CSNK1G2: variants seen among roughly 807,000 people sequenced by gnomAD.
The protein encoded by CSNK1G2 is casein kinase I isoform gamma-2.
In CSNK1G2, 11 loss-of-function variants were observed where a neutral mutation model predicts 48.0. That is an observed-to-expected ratio of 0.23 (90% CI 0.14 to 0.38). The LOEUF is 0.38. Among genes scored for constraint, CSNK1G2 ranks in the 10% least tolerant of loss-of-function variants. CSNK1G2 has a pLI of 1.00. For synonymous variants in CSNK1G2, 337 were observed against 254.1 expected, an observed-to-expected ratio of 1.33 and a Z score of -3.10; for missense variants, 446 against 595.5, an observed-to-expected ratio of 0.75 and a Z score of 2.61.
At chr19:1,949,501 G>A (rs1020143832) in intron 1 of CSNK1G2, among the ~76,000 whole-genome samples, 3 of 152,364 alleles carry the variant, frequency 2.0e-5, no homozygotes, top group East Asian at 1.9e-4. Context: ...TGGCTGAGTC[G>A]TGTTCCGGCG....
Position 1,978,176 on chromosome 19 carries a change from G to A in CSNK1G2, c.188-129G>A. 1 of 924,478 alleles carries A rather than the reference G, an allele frequency of 1.1e-6. No homozygotes were observed. Among genetic ancestry groups the A allele is most frequent in the Non-Finnish European group, 1.7e-6 (1 of 571,862 alleles). The allele number at this position is 924,478 out of a possible 1,614,324, so 57.3% of individuals were successfully genotyped here. A position where few individuals can be genotyped will look rare whatever the true frequency, so the allele number is the denominator to read the frequency against. On this transcript the variant is annotated intron_variant, in intron 2 of 11. Coordinates refer to ENST00000255641, the MANE Select transcript of CSNK1G2 (RefSeq NM_001319.7). This position sits in a 1 kb window ranked among gnomAD's most constrained non-coding sequence, Gnocchi z 7.3. The stretch of plus-strand genomic sequence containing the variant: ...CAGGCTGGGCCCAGGCCCTGCTGCT[G>A]GGCAGTGGTGTCATTTGGAGGGTGG...
chr19:1,960,805 C>T (rs958774305), intron 1 of CSNK1G2, among the ~76,000 whole-genome samples: 10 of 152,232 alleles, frequency 6.6e-5, no homozygotes, highest in African/African-American at 2.2e-4. Flanking sequence ...AGGACAATCA[C>T]TTGAACCCGG....
chr19:1,980,418 C>A lies in CSNK1G2; in HGVS notation c.*215C>A, dbSNP rs1436396852. On this transcript the variant is annotated 3_prime_UTR_variant, in exon 12 of 12. Coordinates refer to ENST00000255641, the MANE Select transcript of CSNK1G2 (RefSeq NM_001319.7). The stretch of plus-strand genomic sequence containing the variant: ...TAAGACTTTGGCCGAAATTTCTACA[C>A]CTGTGTCTAGTCCTCCCCTCCAAGA... The A allele has an allele frequency of 3.2e-6, 2 of 633,222 alleles. No homozygotes were observed. The highest frequency in any genetic ancestry group is 1.8e-5 in the African/African-American group (1 of 54,218). The allele number at this position is 633,222 out of a possible 1,614,324, so 39.2% of individuals were successfully genotyped here. A position where few individuals can be genotyped will look rare whatever the true frequency, so the allele number is the denominator to read the frequency against.
At chr19:1,955,294 C>CCCT (rs199905109) in intron 1 of CSNK1G2, among the ~76,000 whole-genome samples, 1,863 of 139,736 alleles carry the variant, frequency 0.013, 33 homozygotes, top group African/African-American at 0.052. Flanking sequence ...CCTCTGACTG[C>CCCT]CCTCCTGCTG....
In CSNK1G2 at chr19:1,980,311, C is replaced by G; in HGVS notation, c.*108C>G. On this transcript the variant is annotated 3_prime_UTR_variant, in exon 12 of 12. Coordinates refer to ENST00000255641, the MANE Select transcript of CSNK1G2 (RefSeq NM_001319.7). ...ACAGCGGCCCAGGGCCAGACCCTGG[C>G]TGGAAGCCAGAACGCAGACTGCAGG... 1.4e-6 allele frequency: 2 copies of G among 1,402,908 alleles called. No homozygotes were observed. The highest frequency in any genetic ancestry group is 1.0e-6 in the Non-Finnish European group (1 of 1,002,814). The allele number at this position is 1,402,908 out of a possible 1,614,324, so 86.9% of individuals were successfully genotyped here. A position where few individuals can be genotyped will look rare whatever the true frequency, so the allele number is the denominator to read the frequency against.
At chr19:1,948,812 C>T (rs911428869) in intron 1 of CSNK1G2, among the ~76,000 whole-genome samples, 1 of 152,192 alleles carries the variant, frequency 6.6e-6, no homozygotes, top group Non-Finnish European at 1.5e-5. Flanking sequence ...TGCTGGTGAC[C>T]AGAGGCCTCG....
rs2014350331 is a variant in CSNK1G2, at chr19:1,941,351, C to A, written c.-333C>A. The A allele has an allele frequency of 6.8e-6, 1 of 147,408 alleles. No homozygotes were observed. The highest frequency in any genetic ancestry group is 1.5e-5 in the Non-Finnish European group (1 of 66,166). 9.1% of individuals were successfully genotyped at this position (147,408 alleles called of 1,614,324 possible). On this transcript the variant is annotated 5_prime_UTR_variant, in exon 1 of 12. Coordinates refer to ENST00000255641, the MANE Select transcript of CSNK1G2 (RefSeq NM_001319.7). The stretch of plus-strand genomic sequence containing the variant: ...GCGCGGGGCCCGGAGCGGGGGTCCG[C>A]GCTGCGCTGCTGAGGCCGGGCCGGC...
rs1186371190 is a variant in CSNK1G2 at position 1,941,178 on chromosome 19, T to C, written c.-506T>C. 7.5e-5 allele frequency: 11 copies of C among 145,892 alleles called. No homozygotes were observed. The highest frequency in any genetic ancestry group is 1.5e-5 in the Non-Finnish European group (1 of 65,720). 9.0% of individuals were successfully genotyped at this position (145,892 alleles called of 1,614,324 possible). ...GCTGCCGCCCCCCGCTGGCAGACGC[T>C]GGCGGCGTAAGGCGCGCGGGCCCCG... On this transcript the variant is annotated 5_prime_UTR_variant, in exon 1 of 12. Transcript: ENST00000255641.
chr19:1,950,265 G>A (rs1298725055), intron 1 of CSNK1G2, among the ~76,000 whole-genome samples: 2 of 151,670 alleles, frequency 1.3e-5, no homozygotes, highest in Admixed American at 6.6e-5. Flanking sequence ...TCAGCCTCCC[G>A]AGTAGCTGGG....
chr19:1,941,999 C>G (rs914481711), intron 1 of CSNK1G2, among the ~76,000 whole-genome samples: 44 of 152,166 alleles, frequency 2.9e-4, no homozygotes, highest in African/African-American at 1.0e-3. Context: ...CCCCTCCCCA[C>G]GCAGCTGTGT....
At chr19:1,944,907 C>A (rs993131984) in intron 1 of CSNK1G2, among the ~76,000 whole-genome samples, 2 of 152,232 alleles carry the variant, frequency 1.3e-5, no homozygotes, top group African/African-American at 2.4e-5. Flanking sequence ...TGTAGTGGGG[C>A]AGGAACCTCT....
intron 1 of CSNK1G2, among the ~76,000 whole-genome samples, chr19:1,954,914 C>T (rs965168638): frequency 6.6e-5 from 10 of 152,114 alleles, no homozygotes; most frequent in South Asian, 2.1e-4. Context: ...AGCGTCCCTT[C>T]GTCCCTCCCT....
At chr19:1,952,950 G>A (rs1389269165) in intron 1 of CSNK1G2, 7 of 437,868 alleles carry the variant, frequency 1.6e-5, no homozygotes, top group Middle Eastern at 6.9e-4. Context: ...GATGTCGCCC[G>A]GCGGCTCCCA....
At chr19:1,965,683 A>T (rs1202990554) in intron 1 of CSNK1G2, among the ~76,000 whole-genome samples, 2 of 151,684 alleles carry the variant, frequency 1.3e-5, no homozygotes, top group Non-Finnish European at 2.9e-5. Context: ...ATATTTTTTC[A>T]TAGGGGGTTT....
intron 1 of CSNK1G2, chr19:1,952,959 C>T (rs1453059637): frequency 2.3e-6 from 1 of 437,246 alleles, no homozygotes; most frequent in East Asian, 8.1e-5. Context: ...CGGCGGCTCC[C>T]ACACGATGAG....
At chr19:1,943,362 CCAGGCCGTTTG>C (rs1457288934) in intron 1 of CSNK1G2, among the ~76,000 whole-genome samples, 2 of 152,202 alleles carry the variant, frequency 1.3e-5, no homozygotes, top group Non-Finnish European at 2.9e-5. Flanking sequence ...GGTCTGGGAG[CCAGGCCGTTTG>C]CAGGATGGCC....
rs762490233 is a variant in CSNK1G2 at position 1,979,351 on chromosome 19, C to T, written c.801C>T (p.Ile267=). ...ADTLKERYQK[I]GDTKRATPIE... ...CGCTCAAGGAGCGGTACCAGAAGAT[C>T]GGGGACACCAAACGCGCCACGCCCA... The change falls in exon 8 of 12, where the codon ATC becomes ATT. Residue 267 remains isoleucine, a synonymous_variant. Transcript: ENST00000255641. The T allele has an allele frequency of 5.0e-6, 8 of 1,606,226 alleles. No homozygotes were observed. The highest frequency in any genetic ancestry group is 2.2e-5 in the South Asian group (2 of 89,702).
intron 1 of CSNK1G2, chr19:1,942,569 C>T (rs1286951775): frequency 6.6e-6 from 1 of 152,252 alleles, no homozygotes; most frequent in Non-Finnish European, 1.5e-5. Flanking sequence ...TTTCCTGGCT[C>T]CCGGAGGCCC....
chr19:1,969,113 T>A (rs986826104), intron 1 of CSNK1G2, among the ~76,000 whole-genome samples: 1 of 152,184 alleles, frequency 6.6e-6, no homozygotes, highest in Admixed American at 6.5e-5. Flanking sequence ...GGGACTGTTG[T>A]GTGGCCCCTC....
Sources: gnomAD v4.1 joint callset for allele counts (sites outside exome capture counted in the v4.1 genomes callset) on GRCh38, gnomAD v4.1.1 for gene constraint, Gnocchi (gnomAD v3.1) non-coding constraint, MANE v1.5 for transcripts, NCBI Gene and HGNC (gene_info 2026-07-23, HGNC 2026-07-21) for gene names.